Variants in ADGRL3 observed in about 807,000 individuals in gnomAD.
ADGRL3 encodes adhesion G protein-coupled receptor L3.
In ADGRL3, 62 loss-of-function variants were observed where a neutral mutation model predicts 153.5. The observed-to-expected ratio is 0.40, with a 90% CI of 0.33 to 0.50. ADGRL3 has a LOEUF of 0.50. ADGRL3 is among the 20% of genes least tolerant of loss of function. The probability of loss-of-function intolerance (pLI) is 0.47; values close to 1 mark genes in which losing one functional copy is unlikely to be tolerated. For missense variants in ADGRL3, 1,641 were observed against 1,859.4 expected (o/e 0.88, Z 2.16); for synonymous variants, 710 against 672.5 (o/e 1.06, Z -0.86).
At chr4:61,434,136 G>T (rs1447867089) in intron 2 of ADGRL3, among the ~76,000 whole-genome samples, 2 of 152,068 alleles carry the variant, frequency 1.3e-5, no homozygotes, top group East Asian at 3.9e-4. Flanking sequence ...TTTTTCAAGT[G>T]CTTAGATCAA....
chr4:61,871,906 A>C (rs2098447781), intron 9 of ADGRL3, among the ~76,000 whole-genome samples: 1 of 152,168 alleles, frequency 6.6e-6, no homozygotes, highest in African/African-American at 2.4e-5. Context: ...TTGCCTTCAA[A>C]TGTTACCTTT....
In ADGRL3 at chr4:61,935,423, A is replaced by T. The variant is rs149983572; in HGVS notation, c.2296+400A>T. 5.9e-5 allele frequency among the ~76,000 whole-genome samples: 9 copies of T among 152,278 alleles called. No homozygotes were observed. The South Asian group carries it at 1.0e-3, about 18-fold the overall frequency. On this transcript the variant is annotated intron_variant, in intron 14 of 26. Coordinates refer to ENST00000683033, the MANE Select transcript of ADGRL3 (RefSeq NM_001387552.1). The stretch of plus-strand genomic sequence containing the variant: ...TATAAAGAAATAAGTCATTTGAGTG[A>T]AAATGATAAAACAGTGTTTGATAAT...
At chr4:61,490,824 A>G (rs1039072002) in intron 2 of ADGRL3, among the ~76,000 whole-genome samples, 7 of 152,288 alleles carry the variant, frequency 4.6e-5, no homozygotes, top group Non-Finnish European at 1.0e-4. Flanking sequence ...GATGCTTTAC[A>G]ATTCCATAGT....
At chr4:61,892,125 A>G (rs929198406) in intron 9 of ADGRL3, among the ~76,000 whole-genome samples, 2 of 151,686 alleles carry the variant, frequency 1.3e-5, no homozygotes, top group Non-Finnish European at 2.9e-5. Context: ...GTTTAAGGAG[A>G]CTATATTCAG....
chr4:61,834,464 G>T (rs2148907466), intron 9 of ADGRL3, among the ~76,000 whole-genome samples: 1 of 152,148 alleles, frequency 6.6e-6, no homozygotes, highest in African/African-American at 2.4e-5. Flanking sequence ...TAATCCTTTG[G>T]GTATACACCC....
intron 5 of ADGRL3, among the ~76,000 whole-genome samples, chr4:61,644,320 G>A (rs1473360932): frequency 1.4e-5 from 2 of 146,462 alleles, no homozygotes; most frequent in Non-Finnish European, 3.0e-5. Context: ...GTTATTTCTT[G>A]CCTCCTGCTA....
At chr4:62,063,704 AT>A (rs1741449836) in intron 25 of ADGRL3, 1 of 547,878 alleles carries the variant, frequency 1.8e-6, no homozygotes, top group Non-Finnish European at 3.3e-6. Context: ...GGCAAATTCT[AT>A]TTTTCTTTCT....
In ADGRL3 at chr4:61,392,017, G is replaced by T. The variant is rs1486948495; in HGVS notation, c.-174+8828G>T. On this transcript the variant is annotated intron_variant, in intron 2 of 26. Transcript: ENST00000683033. ...TGGGACTGCAGGCGCCTGCCACCAC[G>T]ACCGGCTAATTTTTTTTTTTTTTTT... is the stretch of plus-strand genomic sequence containing the variant. Among the ~76,000 whole-genome samples the T allele has an allele frequency of 2.2e-5, 3 of 135,008 alleles. No individual in the cohort carries two copies. The Admixed American group carries it at 2.4e-4, about 11-fold the overall frequency. The allele number at this position is 135,008 out of a possible 152,430, so 88.6% of individuals were successfully genotyped here. A position where few individuals can be genotyped will look rare whatever the true frequency, so the allele number is the denominator to read the frequency against.
chr4:61,333,386 A>T (rs569995148), intron 1 of ADGRL3, among the ~76,000 whole-genome samples: 1 of 152,280 alleles, frequency 6.6e-6, no homozygotes, highest in Admixed American at 6.5e-5. Flanking sequence ...TGTATAAAAC[A>T]TCACAAAATA....
chr4:62,060,735 CA>C (rs546104488), intron 25 of ADGRL3, among the ~76,000 whole-genome samples: 223 of 151,630 alleles, frequency 1.5e-3, no homozygotes, highest in African/African-American at 5.2e-3. Context: ...TTTTTTTGTC[CA>C]AAAGGCACCA....
chr4:61,876,074 G>A (rs2098473304), intron 9 of ADGRL3, among the ~76,000 whole-genome samples: 1 of 151,486 alleles, frequency 6.6e-6, no homozygotes, highest in Admixed American at 6.6e-5. Flanking sequence ...GCAATTTTTA[G>A]GAGATGTGGA....
Position 61,892,888 on chromosome 4 carries a change from C to A in ADGRL3, c.1713C>A (p.Ala571=). The A allele has an allele frequency of 6.3e-7, 1 of 1,591,382 alleles. No homozygotes were observed. The highest frequency in any genetic ancestry group is 8.5e-7 in the Non-Finnish European group (1 of 1,172,518). ...AAGAGAGCTGTGAGGCTGTGGAAGC[C>A]CGAGAAATCATGTGGTTTAAGACTC... ...ALEESCEAVE[A]REIMWFKTRQ... is the part of the protein sequence containing the mutation. Residue 571 remains alanine, a synonymous_variant, in exon 10 of 27, where the codon GCC becomes GCA. Coordinates refer to ENST00000683033, the MANE Select transcript of ADGRL3 (RefSeq NM_001387552.1).
rs184268663 is a variant in ADGRL3 at position 61,799,623 on chromosome 4, G to A, written c.1400-14186G>A. ...GAACCCCCAAGAGGCTAACCAACTT[G>A]CCCAGCATGCCTCAGTTAAAGATAG... On this transcript the variant is annotated intron_variant, in intron 8 of 26. Transcript: ENST00000683033. 8.5e-5 allele frequency among the ~76,000 whole-genome samples: 13 copies of A among 152,080 alleles called. No individual in the cohort carries two copies. In the East Asian group the frequency reaches 2.5e-3, roughly 30 times the overall value.
At chr4:61,400,935 T>C (rs1187440025) in intron 2 of ADGRL3, among the ~76,000 whole-genome samples, 1 of 151,786 alleles carries the variant, frequency 6.6e-6, no homozygotes, top group Non-Finnish European at 1.5e-5. Context: ...GGATGCTCTG[T>C]TTGCATTAGA....
intron 8 of ADGRL3, among the ~76,000 whole-genome samples, chr4:61,794,734 G>T (rs2097386704): frequency 6.6e-6 from 1 of 152,182 alleles, no homozygotes; most frequent in African/African-American, 2.4e-5. Flanking sequence ...CTGACTTAAA[G>T]AATAGGGTAG....
At chr4:61,544,297 GT>G in intron 4 of ADGRL3, among the ~76,000 whole-genome samples, 1 of 152,200 alleles carries the variant, frequency 6.6e-6, no homozygotes, top group Non-Finnish European at 1.5e-5. Flanking sequence ...GTATCTCATT[GT>G]TTTGATTTGC....
chr4:62,039,900 T>C (rs896033691), intron 24 of ADGRL3, among the ~76,000 whole-genome samples: 2 of 152,174 alleles, frequency 1.3e-5, no homozygotes, highest in African/African-American at 4.8e-5. Flanking sequence ...TATTGACATA[T>C]GTCATTAATA....
intron 1 of ADGRL3, among the ~76,000 whole-genome samples, chr4:61,254,192 A>G (rs991541843): frequency 6.6e-6 from 1 of 152,148 alleles, no homozygotes; most frequent in Non-Finnish European, 1.5e-5. Flanking sequence ...AGTCAAGGTG[A>G]AAAAGCATTC....
In ADGRL3 at chr4:61,296,795, C is replaced by T. The variant is rs191580521; in HGVS notation, c.-239-86329C>T. Among the ~76,000 whole-genome samples, 170 of 152,152 alleles carry T rather than the reference C, an allele frequency of 1.1e-3. 1 individual carries two copies. The highest frequency in any genetic ancestry group is 4.0e-3 in the African/African-American group (165 of 41,516). On this transcript the variant is annotated intron_variant, in intron 1 of 26. Coordinates refer to ENST00000683033, the MANE Select transcript of ADGRL3 (RefSeq NM_001387552.1). Reference sequence around the variant, plus strand: ...AGCACCTTTACACAAAGCTAAACACCTTAAATTATATTTATAAAATATTAC... The same window carrying T: ...AGCACCTTTACACAAAGCTAAACACTTTAAATTATATTTATAAAATATTAC...
Sources: gnomAD v4.1 joint callset for allele counts (sites outside exome capture counted in the v4.1 genomes callset) on GRCh38, gnomAD v4.1.1 for gene constraint, MANE v1.5 for transcripts, NCBI Gene and HGNC (gene_info 2026-07-23, HGNC 2026-07-21) for gene names.